Variants in HDAC9 observed in about 807,000 individuals in gnomAD.
HDAC9 encodes histone deacetylase 9, also known as MEF-2 interacting transcription repressor (MITR) protein.
HDAC9 carries 41 observed loss-of-function variants against 139.4 expected under a neutral mutation model. The ratio of observed to expected loss-of-function variants is 0.29; its 90% CI spans 0.23 to 0.38. The LOEUF (loss-of-function observed/expected upper bound fraction) is 0.38, where lower values mean the gene tolerates loss of function less well. HDAC9 is among the 10% of genes least tolerant of loss of function. The pLI, the probability that HDAC9 is intolerant of heterozygous loss-of-function variation, is 1.00. For synonymous variants in HDAC9, 517 were observed against 476.2 expected (o/e 1.09, Z -1.12); for missense variants, 1,147 against 1,297.0 (o/e 0.88, Z 1.78).
rs1209093256 is a variant in HDAC9 at position 18,178,038 on chromosome 7, C to T, written c.25+15689C>T. On this transcript the variant is annotated intron_variant, in intron 2 of 12. Transcript: ENST00000417496. ...CTAGTGCTATCCACTGAACTTCCTC[C>T]ATCCCCCTACCTCCCCTTCCCTCCC... 2.0e-5 allele frequency among the ~76,000 whole-genome samples: 3 copies of T among 151,924 alleles called. No individual in the cohort carries two copies. In the East Asian group the frequency reaches 5.8e-4, roughly 29 times the overall value.
At chr7:18,676,855 G>C (rs1414627598) in intron 12 of HDAC9, among the ~76,000 whole-genome samples, 3 of 151,668 alleles carry the variant, frequency 2.0e-5, no homozygotes, top group African/African-American at 4.8e-5. Flanking sequence ...GACTCTCTTA[G>C]GGATTAAAAA....
chr7:18,914,146 G>A (rs1352718675), intron 22 of HDAC9, among the ~76,000 whole-genome samples: 1 of 151,604 alleles, frequency 6.6e-6, no homozygotes, highest in Non-Finnish European at 1.5e-5. Context: ...TGAGGACGTG[G>A]TGACAAGGTG....
chr7:18,741,428 T>C (rs1787441688), intron 13 of HDAC9, among the ~76,000 whole-genome samples: 1 of 152,188 alleles, frequency 6.6e-6, no homozygotes, highest in African/African-American at 2.4e-5. Flanking sequence ...TGACAGCATA[T>C]CCGTTTAGAG....
intron 1 of HDAC9, among the ~76,000 whole-genome samples, chr7:18,401,980 C>T (rs145563773): frequency 1.3e-4 from 20 of 152,292 alleles, no homozygotes; most frequent in African/African-American, 4.6e-4. Flanking sequence ...TGTGGCACTT[C>T]TCATATCCAC....
chr7:18,961,872 C>A (rs980591952), intron 24 of HDAC9, among the ~76,000 whole-genome samples: 8 of 152,124 alleles, frequency 5.3e-5, no homozygotes, highest in Non-Finnish European at 1.2e-4. Context: ...TCCCTCTTAG[C>A]CTCTAAGTTA....
intron 2 of HDAC9, among the ~76,000 whole-genome samples, chr7:18,273,806 T>C (rs1326943367): frequency 6.6e-6 from 1 of 152,088 alleles, no homozygotes; most frequent in Non-Finnish European, 1.5e-5. Flanking sequence ...GAATAGTTAA[T>C]CCTAAAATGA....
At chr7:18,585,553 C>T in intron 3 of HDAC9, 31 bp downstream of exon 3, 1 of 1,607,650 alleles carries the variant, frequency 6.2e-7, no homozygotes, top group African/African-American at 1.3e-5. Context: ...TGTGACCTTA[C>T]TCAGGAGTCT....
chr7:18,968,119 G>A (rs531452866), intron 24 of HDAC9, among the ~76,000 whole-genome samples: 3 of 152,184 alleles, frequency 2.0e-5, no homozygotes, highest in East Asian at 1.9e-4. Flanking sequence ...CCGAGATCGC[G>A]CCATTGCACT....
intron 9 of HDAC9, among the ~76,000 whole-genome samples, chr7:18,646,560 C>T (rs1787495918): frequency 6.6e-6 from 1 of 152,140 alleles, no homozygotes; most frequent in South Asian, 2.1e-4. Flanking sequence ...GACAAGGAAT[C>T]ACTTCTAGAT....
At chr7:18,860,752 C>A (rs946270821) in intron 21 of HDAC9, among the ~76,000 whole-genome samples, 1 of 152,126 alleles carries the variant, frequency 6.6e-6, no homozygotes, top group African/African-American at 2.4e-5. Context: ...CTAAAAGTTG[C>A]TATGGAGCTG....
At chr7:18,420,158 C>T (rs935713793) in intron 1 of HDAC9, among the ~76,000 whole-genome samples, 1 of 152,138 alleles carries the variant, frequency 6.6e-6, no homozygotes, top group African/African-American at 2.4e-5. Flanking sequence ...ACATTGTCTT[C>T]CTAAATGTAG....
intron 1 of HDAC9, among the ~76,000 whole-genome samples, chr7:18,149,540 T>G (rs1786602692): frequency 1.3e-5 from 2 of 150,258 alleles, no homozygotes; most frequent in African/African-American, 4.9e-5. Context: ...TATTTATTTA[T>G]TATTTATTAT....
At chr7:18,104,740 C>G (rs1483143903) in intron 1 of HDAC9, among the ~76,000 whole-genome samples, 2 of 152,234 alleles carry the variant, frequency 1.3e-5, no homozygotes, top group Admixed American at 6.5e-5. Context: ...TTCACTCCCT[C>G]AGTGTGGGCA....
intron 1 of HDAC9, among the ~76,000 whole-genome samples, chr7:18,150,409 G>T (rs892069693): frequency 3.9e-5 from 6 of 152,088 alleles, no homozygotes; most frequent in Admixed American, 1.3e-4. Context: ...GACAGGGAAT[G>T]GCGATTCTAG....
chr7:18,244,390 T>G (rs1465233318), intron 2 of HDAC9, among the ~76,000 whole-genome samples: 3 of 152,274 alleles, frequency 2.0e-5, no homozygotes, highest in African/African-American at 7.2e-5. Context: ...CATCTCATTT[T>G]AAATCACTAT....
intron 1 of HDAC9, among the ~76,000 whole-genome samples, chr7:18,128,397 C>G (rs2128099618): frequency 6.6e-6 from 1 of 152,112 alleles, no homozygotes; most frequent in South Asian, 2.1e-4. Flanking sequence ...CTCCTTTCAT[C>G]TCTCTGAATC....
In HDAC9 at chr7:18,693,992, C is replaced by G. The variant is rs536249329; in HGVS notation, c.1731+27516C>G. 3.9e-5 allele frequency among the ~76,000 whole-genome samples: 6 copies of G among 152,028 alleles called. No individual in the cohort carries two copies. The East Asian group carries it at 1.2e-3, about 29-fold the overall frequency. ...CAAAACAGGCTGGAATGTTGGTAAC[C>G]GATTGTACACACAGGATCCAAGCAA... On this transcript the variant is annotated intron_variant, in intron 12 of 25. Transcript: ENST00000686413.
At chr7:18,689,196 G>C (rs1403398637) in intron 12 of HDAC9, among the ~76,000 whole-genome samples, 2 of 151,558 alleles carry the variant, frequency 1.3e-5, no homozygotes, top group African/African-American at 2.4e-5. Context: ...TTTGGATTTG[G>C]GGGAGCTTTC....
At chr7:18,324,986 G>T (rs138095806) in intron 1 of HDAC9, among the ~76,000 whole-genome samples, 62 of 152,126 alleles carry the variant, frequency 4.1e-4, no homozygotes, top group Non-Finnish European at 7.2e-4. Context: ...TTCCCTTTCT[G>T]CCATCCTTCA....
Sources: gnomAD v4.1 joint callset for allele counts (sites outside exome capture counted in the v4.1 genomes callset) on GRCh38, gnomAD v4.1.1 for gene constraint, MANE v1.5 for transcripts, NCBI Gene and HGNC (gene_info 2026-07-23, HGNC 2026-07-21) for gene names.